The following CDHR5 variants were observed in gnomAD, a reference collection of about 807,000 sequenced individuals.
The protein encoded by CDHR5 is cadherin-related family member 5.
Under a neutral mutation model 69.5 loss-of-function variants are expected in CDHR5, and 82 were observed. The observed-to-expected ratio is 1.18, with a 90% CI of 0.99 to 1.42. The LOEUF (loss-of-function observed/expected upper bound fraction) is 1.42, where lower values mean the gene tolerates loss of function less well. Among genes scored for constraint, CDHR5 ranks in the 40% most tolerant of loss-of-function variants. The pLI is 0.00. For synonymous variants in CDHR5, 601 were observed against 510.2 expected, an observed-to-expected ratio of 1.18 and a Z score of -2.40; for missense variants, 1,293 against 1,168.9, an observed-to-expected ratio of 1.11 and a Z score of -1.55.
At chr11:619,929 T>G in intron 9 of CDHR5, 48 bp from the exon 10 acceptor site, 1 of 1,473,626 alleles carries the variant, frequency 6.8e-7, no homozygotes, top group Non-Finnish European at 9.1e-7. Context: ...AAGGTGGAGC[T>G]GGCGCTGAAG....
chr11:619,295 G>C lies in CDHR5; in HGVS notation c.1378+11C>G. 1.9e-6 allele frequency: 3 copies of C among 1,588,972 alleles called. No homozygotes were observed. Among genetic ancestry groups the C allele is most frequent in the Middle Eastern group, 3.3e-4 (2 of 6,016 alleles). ...AGAACCCTGGGGGCTCACCTGTGGA[G>C]GGGGGCTTACCTGTGGAGGGGGGCT... On this transcript the variant is annotated intron_variant, in intron 12 of 14. Coordinates refer to ENST00000397542, the MANE Select transcript of CDHR5 (RefSeq NM_021924.5).
chr11:618,147 CTGT>C (rs1028069722), intron 13 of CDHR5, 36 bp from the exon 14 acceptor site: 20 of 1,558,132 alleles, frequency 1.3e-5, no homozygotes, highest in Admixed American at 5.3e-5. Flanking sequence ...CATCCCCGCA[CTGT>C]TGAGTGCCCC....
Position 624,541 on chromosome 11 carries a change from C to T in CDHR5, c.261+16G>A, listed in dbSNP as rs369441127. The T allele has an allele frequency of 1.8e-4, 281 of 1,604,942 alleles. 5 individuals are homozygous for T. In the South Asian group the frequency reaches 2.1e-3, roughly 12 times the overall value. Reference sequence around the variant, plus strand: ...TCTCCCGGGACCCCCATATCCCGCCCGCCTGCCGCCCACACCTCGTAATCA... The same window carrying T: ...TCTCCCGGGACCCCCATATCCCGCCTGCCTGCCGCCCACACCTCGTAATCA... On this transcript the variant is annotated intron_variant, in intron 2 of 14. Coordinates refer to ENST00000397542, the MANE Select transcript of CDHR5 (RefSeq NM_021924.5). The surrounding 1 kb of genome is among the most constrained non-coding windows in gnomAD (Gnocchi z 5.3).
chr11:616,955 A>C lies in CDHR5; in HGVS notation c.*396T>G. 7 of 218,780 alleles carry C rather than the reference A, an allele frequency of 3.2e-5. No homozygotes were observed. The highest frequency in any genetic ancestry group is 5.5e-5 in the Non-Finnish European group (6 of 109,196). 13.6% of individuals were successfully genotyped at this position (218,780 alleles called of 1,614,324 possible). ...CAGGCAATCTCTGTGTAGGGTCGGG[A>C]GCGGGAGGTCTGAGATGAGCCGGGT... On this transcript the variant is annotated 3_prime_UTR_variant, in exon 15 of 15. Coordinates refer to ENST00000397542, the MANE Select transcript of CDHR5 (RefSeq NM_021924.5).
rs1288239697 is a variant in CDHR5 at position 624,141 on chromosome 11, G to C, written c.312+72C>G. 1.4e-6 allele frequency: 1 copy of C among 713,310 alleles called. No homozygotes were observed. The highest frequency in any genetic ancestry group is 1.7e-5 in the African/African-American group (1 of 57,644). 44.2% of individuals were successfully genotyped at this position (713,310 alleles called of 1,614,324 possible). On this transcript the variant is annotated intron_variant, in intron 3 of 14. Coordinates refer to ENST00000397542, the MANE Select transcript of CDHR5 (RefSeq NM_021924.5). This position sits in a 1 kb window ranked among gnomAD's most constrained non-coding sequence, Gnocchi z 5.3. ...ACCCTAGCTGACGTCATCAAAGACT[G>C]GTCCTGGACCGGCAGGGCAGAGCCC...
rs1170781767 is a variant in CDHR5 at position 621,305 on chromosome 11, C to T, written c.618+40G>A. On this transcript the variant is annotated intron_variant, in intron 6 of 14. Coordinates refer to ENST00000397542, the MANE Select transcript of CDHR5 (RefSeq NM_021924.5). This position sits in a 1 kb window ranked among gnomAD's most constrained non-coding sequence, Gnocchi z 4.4. ...CTGGGAGCAGCTGGGGCCGGGGGGC[C>T]TCAAGTGTGTGGGACTCGGGGCTGG... 3 of 1,611,826 alleles carry T rather than the reference C, an allele frequency of 1.9e-6. No individual in the cohort carries two copies. The highest frequency in any genetic ancestry group is 2.2e-5 in the East Asian group (1 of 44,852).
At position 621,883 on chromosome 11, in the gene CDHR5, C is replaced by G. The variant is rs114264092; in HGVS notation, c.334G>C (p.Val112Leu). The G allele has an allele frequency of 9.3e-6, 15 of 1,613,338 alleles. No individual in the cohort carries two copies. Among genetic ancestry groups the G allele is most frequent in the Admixed American group, 1.7e-5 (1 of 59,996 alleles). The change falls in exon 4 of 15, where the codon GTG becomes CTG. Residue 112 changes from valine to leucine, a missense_variant. Val to Leu is a conservative substitution (Grantham distance 32). Coordinates refer to ENST00000397542, the MANE Select transcript of CDHR5 (RefSeq NM_021924.5). The surrounding 1 kb of genome is among the most constrained non-coding windows in gnomAD (Gnocchi z 4.4). Reference sequence around the variant, plus strand: ...TTGTCATTGACGTCCAGCACTGACACGAACACCCTTAGCTGGGTCACCTGC... The same window carrying G: ...TTGTCATTGACGTCCAGCACTGACAGGAACACCCTTAGCTGGGTCACCTGC... ...GTLVTQLRVFVSVLDVNDNAP... is the reference protein window; with the variant it reads ...GTLVTQLRVFLSVLDVNDNAP...
In CDHR5 at chr11:621,884, G is replaced by T; in HGVS notation, c.333C>A (p.Phe111Leu). ...TGTCATTGACGTCCAGCACTGACAC[G>T]AACACCCTTAGCTGGGTCACCTGCA... The part of the protein sequence containing the change: ...GGTLVTQLRV[F>L]VSVLDVNDNA... The change falls in exon 4 of 15, where the codon TTC becomes TTA. Residue 111 changes from phenylalanine (F) to leucine (L), a missense_variant. Phe to Leu is a conservative substitution (Grantham distance 22). Transcript: ENST00000397542. The surrounding 1 kb of genome is among the most constrained non-coding windows in gnomAD (Gnocchi z 4.4). 1 of 1,613,318 alleles carries T rather than the reference G, an allele frequency of 6.2e-7. No individual in the cohort carries two copies. Among genetic ancestry groups the T allele is most frequent in the Non-Finnish European group, 8.5e-7 (1 of 1,179,702 alleles).
Position 621,090 on chromosome 11 carries a change from C to T in CDHR5, c.779G>A (p.Gly260Glu), listed in dbSNP as rs144780731. 5.7e-5 allele frequency: 88 copies of T among 1,541,426 alleles called. No homozygotes were observed. The highest frequency in any genetic ancestry group is 3.6e-4 in the African/African-American group (26 of 72,996). Residue 260 changes from glycine to glutamate, a missense_variant, in exon 7 of 15, where the codon GGG becomes GAG. Transcript: ENST00000397542. The surrounding 1 kb of genome is among the most constrained non-coding windows in gnomAD (Gnocchi z 4.4). ...QAQYHGAVPT[G>E]HILPSPLVLR... ...CTCCCTCCCCATTACCAGTATGTGCCCCGTGGGGACAGCCCCGTGGTACTG... is the reference window on the plus strand; with the variant it reads ...CTCCCTCCCCATTACCAGTATGTGCTCCGTGGGGACAGCCCCGTGGTACTG...
intron 3 of CDHR5, among the ~76,000 whole-genome samples, chr11:622,213 G>A (rs986521823): frequency 6.6e-6 from 1 of 152,256 alleles, no homozygotes; most frequent in Non-Finnish European, 1.5e-5. Context: ...GGCTACAGGG[G>A]CTGCACAGCT....
chr11:621,513 G>C lies in CDHR5; in HGVS notation c.507+49C>G. Reference sequence around the variant, plus strand: ...GCCTTGGAGGGCGAGGGCGGCTGTGGGTGTCAGAGGCGAGGGGCTCGTGCT... The same window carrying C: ...GCCTTGGAGGGCGAGGGCGGCTGTGCGTGTCAGAGGCGAGGGGCTCGTGCT... On this transcript the variant is annotated intron_variant, in intron 5 of 14. Coordinates refer to ENST00000397542, the MANE Select transcript of CDHR5 (RefSeq NM_021924.5). This position sits in a 1 kb window ranked among gnomAD's most constrained non-coding sequence, Gnocchi z 4.4. 6.3e-7 allele frequency: 1 copy of C among 1,589,362 alleles called. No individual in the cohort carries two copies. The highest frequency in any genetic ancestry group is 1.1e-5 in the South Asian group (1 of 90,628).
rs758719553 is a variant in CDHR5 at position 617,715 on chromosome 11, T to C, written c.2174A>G (p.Asn725Ser). The change falls in exon 15 of 15, where the codon AAC (asparagine) becomes AGC (serine). Residue 725 changes from asparagine (N) to serine (S), a missense_variant. Physicochemically the swap from Asn to Ser is conservative, Grantham distance 46. Coordinates refer to ENST00000397542, the MANE Select transcript of CDHR5 (RefSeq NM_021924.5). ...CGTGGGGCTGGGGACGGGCGCCCAGTTGGCCTTGTGGTCAGGGAGGAACGC... is the reference window on the plus strand; with the variant it reads ...CGTGGGGCTGGGGACGGGCGCCCAGCTGGCCTTGTGGTCAGGGAGGAACGC... ...NQAFLPDHKANWAPVPSPTHD... is the reference protein window; with the variant it reads ...NQAFLPDHKASWAPVPSPTHD... The C allele has an allele frequency of 1.4e-5, 21 of 1,460,734 alleles. No homozygotes were observed. In the East Asian group the frequency reaches 5.1e-4, roughly 36 times the overall value. 90.5% of individuals were successfully genotyped at this position (1,460,734 alleles called of 1,614,324 possible). A position where few individuals can be genotyped will look rare whatever the true frequency, so the allele number is the denominator to read the frequency against.
chr11:617,964 CCA>C lies in CDHR5; in HGVS notation c.2106_2107del (p.Cys702TrpfsTer12), dbSNP rs1857075379. ...CATCCTGGGCCTCACCGGAGCTTTG[CCA>C]CAGCAGCACTTGAGCCGGGGGCCAT... On this transcript the variant is annotated frameshift_variant, in exon 14 of 15. Coordinates refer to ENST00000397542, the MANE Select transcript of CDHR5 (RefSeq NM_021924.5). LOFTEE classifies it low-confidence loss of function (END_TRUNC). 12 of 1,611,362 alleles carry C rather than the reference CCA, an allele frequency of 7.4e-6. No homozygotes were observed. The highest frequency in any genetic ancestry group is 1.0e-5 in the Non-Finnish European group (12 of 1,179,576).
In CDHR5 at chr11:621,868, C is replaced by T. The variant is rs375625143; in HGVS notation, c.349G>A (p.Val117Ile). The change falls in exon 4 of 15, where the codon GTC becomes ATC. Residue 117 changes from valine to isoleucine, a missense_variant. Physicochemically the swap from Val to Ile is conservative, Grantham distance 29 (BLOSUM62 3). Transcript: ENST00000397542. The surrounding 1 kb of genome is among the most constrained non-coding windows in gnomAD (Gnocchi z 4.4). ...GGGAATTCGGGGGCATTGTCATTGA[C>T]GTCCAGCACTGACACGAACACCCTT... ...QLRVFVSVLD[V>I]NDNAPEFPFK... The T allele has an allele frequency of 1.3e-5, 21 of 1,613,552 alleles. No individual in the cohort carries two copies. The highest frequency in any genetic ancestry group is 8.9e-5 in the East Asian group (4 of 44,890).
rs779161504 is a variant in CDHR5, at chr11:617,638, CG to C, written c.2250del (p.Gly751AlafsTer24). ...EAPMPAEPAP[P>X]GPASPGGAPE... The stretch of plus-strand genomic sequence containing the variant: ...GGGGCACCGCCTGGGGAGGCAGGGC[CG>C]GGGGGTGCGGGCTCTGCGGGCATCG... On this transcript the variant is annotated frameshift_variant, in exon 15 of 15. Transcript: ENST00000397542. LOFTEE classifies it low-confidence loss of function (END_TRUNC). 8.7e-5 allele frequency: 136 copies of C among 1,565,276 alleles called. No homozygotes were observed. Among genetic ancestry groups the C allele is most frequent in the East Asian group, 4.7e-5 (2 of 42,556 alleles).
chr11:619,865 A>C lies in CDHR5; in HGVS notation c.995T>G (p.Leu332Arg), dbSNP rs746728610. Residue 332 changes from leucine to arginine, a missense_variant, in exon 10 of 15, where the codon CTT becomes CGT. By Grantham distance (102) the Leu-to-Arg change is moderately radical (BLOSUM62 -2). Coordinates refer to ENST00000397542, the MANE Select transcript of CDHR5 (RefSeq NM_021924.5). ...GACCTGGGTCACTGAGTAGCGGGCA[A>C]GGTCGGCCTGTTGGCCCTGGAGGCG... ...LLLVKGQQADLARYSVTQVTV... is the reference protein window; with the variant it reads ...LLLVKGQQADRARYSVTQVTV... 2 of 1,550,308 alleles carry C rather than the reference A, an allele frequency of 1.3e-6. No homozygotes were observed. Among genetic ancestry groups the C allele is most frequent in the Non-Finnish European group, 1.7e-6 (2 of 1,151,500 alleles).
rs1369040402 is a variant in CDHR5 at position 619,029 on chromosome 11, CAG to C, written c.1528_1529del (p.Leu510GlufsTer204). 6.2e-7 allele frequency: 1 copy of C among 1,613,256 alleles called. No individual in the cohort carries two copies. The highest frequency in any genetic ancestry group is 8.5e-7 in the Non-Finnish European group (1 of 1,179,802). The part of the protein sequence containing the change: ...TGPHPPSGTT[L>X]RPPTSSTPGG... ...CGGGTGTGGACGAGGTTGGTGGCCTCAGAGTTGTGCCAGAGGGTGGATGAGGG... is the reference window on the plus strand; with the variant it reads ...CGGGTGTGGACGAGGTTGGTGGCCTCAGTTGTGCCAGAGGGTGGATGAGGG... On this transcript the variant is annotated frameshift_variant, in exon 13 of 15. Transcript: ENST00000397542. LOFTEE classifies it high-confidence loss of function.
At chr11:622,036 G>A (rs1003886812) in intron 3 of CDHR5, 132 bp from the exon 4 acceptor site, 1 of 682,794 alleles carries the variant, frequency 1.5e-6, no homozygotes. Context: ...TAAGTGAGGT[G>A]CACCCCTCGA....
chr11:623,137 C>T (rs1415824034), intron 3 of CDHR5, among the ~76,000 whole-genome samples: 1 of 151,950 alleles, frequency 6.6e-6, no homozygotes, highest in Non-Finnish European at 1.5e-5. Context: ...GGAGAAACCC[C>T]GTCGCTACTA....
Sources: gnomAD v4.1 joint callset for allele counts (sites outside exome capture counted in the v4.1 genomes callset) on GRCh38, gnomAD v4.1.1 for gene constraint, Gnocchi (gnomAD v3.1) non-coding constraint, MANE v1.5 for transcripts, NCBI Gene and HGNC (gene_info 2026-07-23, HGNC 2026-07-21) for gene names.